The following SIN3A variants were observed in gnomAD, a reference collection of about 807,000 sequenced individuals.
SIN3A encodes paired amphipathic helix protein Sin3a.
A neutral mutation model predicts 146.1 loss-of-function variants in SIN3A; 14 were observed. The observed-to-expected ratio is 0.10, with a 90% CI of 0.06 to 0.15. The LOEUF is 0.15. SIN3A is among the 10% of genes least tolerant of loss of function. The probability of loss-of-function intolerance (pLI) is 1.00; values close to 1 mark genes in which losing one functional copy is unlikely to be tolerated. For synonymous variants in SIN3A, 572 were observed against 572.0 expected, an observed-to-expected ratio of 1.00 and a Z score of 0.00; for missense variants, 1,028 against 1,576.0, an observed-to-expected ratio of 0.65 and a Z score of 5.89.
chr15:75,406,672 C>G (rs1002388698), intron 9 of SIN3A, among the ~76,000 whole-genome samples: 2 of 151,870 alleles, frequency 1.3e-5, no homozygotes. Context: ...TGGGCGACAG[C>G]GAGACTCCGT....
chr15:75,410,375 T>C, intron 6 of SIN3A, 89 bp from the exon 7 acceptor site: 1 of 1,276,844 alleles, frequency 7.8e-7, no homozygotes. Flanking sequence ...TGTTATCTAT[T>C]TAGGCTGCAT....
intron 2 of SIN3A, 170 bp downstream of exon 2, chr15:75,430,017 A>C: frequency 1.6e-6 from 1 of 606,954 alleles, no homozygotes; most frequent in Non-Finnish European, 2.9e-6. Flanking sequence ...GGTCATGACA[A>C]CATTCTTTTT....
intron 19 of SIN3A, 103 bp from the exon 20 acceptor site, chr15:75,375,975 C>T: frequency 8.6e-7 from 1 of 1,156,616 alleles, no homozygotes. Context: ...TAGTACTCAT[C>T]CCAATTTGTT....
At chr15:75,438,505 G>A (rs912339159) in intron 1 of SIN3A, among the ~76,000 whole-genome samples, 3 of 152,046 alleles carry the variant, frequency 2.0e-5, no homozygotes, top group African/African-American at 7.3e-5. Flanking sequence ...GCAACAAAGT[G>A]AGACACCGTC....
At chr15:75,375,918 A>G in intron 19 of SIN3A, 46 bp from the exon 20 acceptor site, 2 of 1,594,738 alleles carry the variant, frequency 1.3e-6, no homozygotes, top group South Asian at 1.1e-5. Flanking sequence ...CCAGATGCAG[A>G]TTCCCGTGAC....
At chr15:75,439,754 G>A (rs767470463) in intron 1 of SIN3A, among the ~76,000 whole-genome samples, 1 of 151,824 alleles carries the variant, frequency 6.6e-6, no homozygotes, top group Admixed American at 6.6e-5. Context: ...CTTTTTTTAC[G>A]CCTGGTCTCC....
intron 16 of SIN3A, among the ~76,000 whole-genome samples, chr15:75,387,341 A>G (rs2073105166): frequency 6.6e-6 from 1 of 152,060 alleles, no homozygotes; most frequent in African/African-American, 2.4e-5. Context: ...CCTGGACAAC[A>G]TGGCAAAACT....
At position 75,409,377 on chromosome 15, in the gene SIN3A, G is replaced by A. The variant is rs572144009; in HGVS notation, c.1317+459C>T. Reference sequence around the variant, plus strand: ...TCTTTTGCAAAGCCAGATAAACTCTGCACTGAGTTTCTGTGACACAATACT... The same window carrying A: ...TCTTTTGCAAAGCCAGATAAACTCTACACTGAGTTTCTGTGACACAATACT... On this transcript the variant is annotated intron_variant, in intron 8 of 20. Transcript: ENST00000394947. Among the ~76,000 whole-genome samples, 5 of 152,206 alleles carry A rather than the reference G, an allele frequency of 3.3e-5. No homozygotes were observed. In the South Asian group the frequency reaches 1.0e-3, roughly 32 times the overall value.
At chr15:75,391,408 A>C (rs1225878847) in intron 15 of SIN3A, among the ~76,000 whole-genome samples, 4 of 152,180 alleles carry the variant, frequency 2.6e-5, no homozygotes. Context: ...GGACTAGTCT[A>C]GATAAAAGCT....
chr15:75,380,682 A>G lies in SIN3A; in HGVS notation c.3330T>C (p.Thr1110=), dbSNP rs1197111839. Residue 1110 remains threonine, a synonymous_variant, in exon 19 of 21, where the codon ACT becomes ACC. Coordinates refer to ENST00000394947, the MANE Select transcript of SIN3A (RefSeq NM_001145358.2). ...GATGTTCACGAAGCTCAGGCGAGGT[A>G]GTATCTGAATTCATGTATCGCTCCA... ...DYVERYMNSD[T]TSPELREHLA... 1.2e-6 allele frequency: 2 copies of G among 1,613,968 alleles called. No individual in the cohort carries two copies. Among genetic ancestry groups the G allele is most frequent in the East Asian group, 2.2e-5 (1 of 44,896 alleles).
At position 75,375,821 on chromosome 15, in the gene SIN3A, C is replaced by T. The variant is rs761191233; in HGVS notation, c.3435G>A (p.Lys1145=). Residue 1145 remains lysine, a synonymous_variant, in exon 20 of 21, where the codon AAG becomes AAA. Coordinates refer to ENST00000394947, the MANE Select transcript of SIN3A (RefSeq NM_001145358.2). The part of the protein sequence containing the change: ...KCQRGREQQE[K]EGKEGNSKKT... ...TCTTGCTGTTTCCTTCCTTCCCTTC[C>T]TTTTCCTGCTGCTCTCGACCACGTT... 15 of 1,614,198 alleles carry T rather than the reference C, an allele frequency of 9.3e-6. No individual in the cohort carries two copies. The Middle Eastern group carries it at 4.9e-4, about 53-fold the overall frequency.
At chr15:75,454,157 T>G (rs1413442309), upstream of SIN3A, among the ~76,000 whole-genome samples, 1 of 130,738 alleles carries the variant, frequency 7.6e-6, no homozygotes, top group Non-Finnish European at 1.6e-5. Flanking sequence ...CCCTCCTCCC[T>G]CCGCGAAAAA....
chr15:75,390,376 T>TA (rs1321767263), intron 15 of SIN3A, among the ~76,000 whole-genome samples: 3 of 152,238 alleles, frequency 2.0e-5, no homozygotes, highest in African/African-American at 7.2e-5. Flanking sequence ...TCCTTTTGTT[T>TA]AAAAATGGAT....
intron 16 of SIN3A, among the ~76,000 whole-genome samples, chr15:75,387,942 T>C (rs2073123772): frequency 6.6e-6 from 1 of 152,194 alleles, no homozygotes; most frequent in African/African-American, 2.4e-5. Flanking sequence ...CTTCAACTTA[T>C]TGGAAACAAC....
rs2072698902 is a variant in SIN3A at position 75,369,891 on chromosome 15, C to CT, written c.*2087dup. 6.6e-6 allele frequency: 1 copy of CT among 152,260 alleles called. No individual in the cohort carries two copies. Among genetic ancestry groups the CT allele is most frequent in the Admixed American group, 6.5e-5 (1 of 15,278 alleles). 9.4% of individuals were successfully genotyped at this position (152,260 alleles called of 1,614,324 possible). A position where few individuals can be genotyped will look rare whatever the true frequency, so the allele number is the denominator to read the frequency against. On this transcript the variant is annotated 3_prime_UTR_variant, in exon 21 of 21. Coordinates refer to ENST00000394947, the MANE Select transcript of SIN3A (RefSeq NM_001145358.2). ...CACTGCCCCAGCTTTGCCCTAAAAT[C>CT]TCATCCCACAAAGCTCTTTTTGGCA...
At chr15:75,379,282 T>C (rs1004866225) in intron 19 of SIN3A, among the ~76,000 whole-genome samples, 2 of 152,170 alleles carry the variant, frequency 1.3e-5, no homozygotes, top group East Asian at 3.8e-4. Flanking sequence ...ACTAGTATAA[T>C]CCATATAAAC....
At chr15:75,449,650 GCAA>G (rs1007937505) in intron 1 of SIN3A, among the ~76,000 whole-genome samples, 4 of 152,152 alleles carry the variant, frequency 2.6e-5, no homozygotes, top group African/African-American at 4.8e-5. Flanking sequence ...AATAAAAAGG[GCAA>G]CAACACTGTA....
intron 20 of SIN3A, among the ~76,000 whole-genome samples, chr15:75,373,031 C>A (rs2072782789): frequency 6.6e-6 from 1 of 152,262 alleles, no homozygotes; most frequent in African/African-American, 2.4e-5. Flanking sequence ...CACTGTGTTA[C>A]CCCACCCTGG....
In SIN3A at chr15:75,370,595, T is replaced by TG. The variant is rs2072729292; in HGVS notation, c.*1383dup. On this transcript the variant is annotated 3_prime_UTR_variant, in exon 21 of 21. Transcript: ENST00000394947. ...AACTCCATTTATAAGGTATACCACA[T>TG]GCCTTATGCACACTTTTTTTTCAAA... 6.6e-6 allele frequency: 1 copy of TG among 152,224 alleles called. No homozygotes were observed. The highest frequency in any genetic ancestry group is 1.5e-5 in the Non-Finnish European group (1 of 68,038). The allele number at this position is 152,224 out of a possible 1,614,324, so 9.4% of individuals were successfully genotyped here. A position where few individuals can be genotyped will look rare whatever the true frequency, so the allele number is the denominator to read the frequency against.
Sources: allele counts gnomAD v4.1 joint callset (sites outside exome capture counted in the v4.1 genomes callset), GRCh38; gene constraint gnomAD v4.1.1; transcripts MANE v1.5; gene names NCBI Gene and HGNC (gene_info 2026-07-23, HGNC 2026-07-21).